Variants in SH2D4B observed in about 807,000 individuals in gnomAD.
SH2D4B encodes the protein SH2 domain containing 4B.
A neutral mutation model predicts 61.5 loss-of-function variants in SH2D4B; 45 were observed. The observed-to-expected ratio is 0.73, with a 90% CI of 0.58 to 0.94. SH2D4B has a LOEUF of 0.94. Among genes scored for constraint, SH2D4B ranks in the 40% least tolerant of loss-of-function variants. The pLI, the probability that SH2D4B is intolerant of heterozygous loss-of-function variation, is 0.00. For missense variants in SH2D4B, 572 were observed against 574.2 expected, an observed-to-expected ratio of 1.00 and a Z score of 0.04; for synonymous variants, 224 against 220.4, an observed-to-expected ratio of 1.02 and a Z score of -0.14.
intron 3 of SH2D4B, among the ~76,000 whole-genome samples, chr10:80,587,341 T>A (rs1195139982): frequency 6.6e-6 from 1 of 151,754 alleles, no homozygotes; most frequent in Non-Finnish European, 1.5e-5. Context: ...AGTGCAGTGG[T>A]GCGATCTCAG....
At chr10:80,558,427 A>G (rs1418296972) in intron 1 of SH2D4B, among the ~76,000 whole-genome samples, 1 of 152,194 alleles carries the variant, frequency 6.6e-6, no homozygotes, top group Non-Finnish European at 1.5e-5. Flanking sequence ...AAACTTTTTA[A>G]AAAGCAGCTT....
chr10:80,631,443 C>T (rs1225371845), intron 6 of SH2D4B, among the ~76,000 whole-genome samples: 1 of 152,102 alleles, frequency 6.6e-6, no homozygotes, highest in African/African-American at 2.4e-5. Context: ...GATTCAGGGC[C>T]TTGCTATGTT....
At chr10:80,588,909 T>C in intron 4 of SH2D4B, 132 bp downstream of exon 4, 3 of 1,087,626 alleles carry the variant, frequency 2.8e-6, no homozygotes, top group South Asian at 1.5e-5. Context: ...GACCCGGCCA[T>C]GTGCTCAGTC....
chr10:80,623,686 A>G (rs12772279), intron 6 of SH2D4B, among the ~76,000 whole-genome samples: 36,645 of 151,892 alleles, frequency 0.24, 4,811 homozygotes, highest in African/African-American at 0.32. Flanking sequence ...CCCAGAATCT[A>G]CTCCCCTTAC....
chr10:80,615,808 G>A (rs977273358), intron 6 of SH2D4B, among the ~76,000 whole-genome samples: 4 of 152,182 alleles, frequency 2.6e-5, no homozygotes, highest in South Asian at 2.1e-4. Flanking sequence ...CTAAAAATTC[G>A]TGTTTAGCAA....
chr10:80,552,846 C>G (rs926346554), intron 1 of SH2D4B, among the ~76,000 whole-genome samples: 1 of 152,100 alleles, frequency 6.6e-6, no homozygotes, highest in African/African-American at 2.4e-5. Flanking sequence ...AATTACATAA[C>G]CCTAGGCTTT....
intron 3 of SH2D4B, among the ~76,000 whole-genome samples, chr10:80,587,158 T>TTTTTTTTTTTTTG (rs1842267675): frequency 8.2e-6 from 1 of 122,530 alleles, no homozygotes. Flanking sequence ...TTTGTTTTTT[T>TTTTTTTTTTTTTG]TTTTTTTTTT....
At chr10:80,640,727 G>A (rs370545588) in intron 7 of SH2D4B, among the ~76,000 whole-genome samples, 18 of 152,232 alleles carry the variant, frequency 1.2e-4, no homozygotes, top group East Asian at 1.2e-3. Context: ...CTTGCGATGG[G>A]TTCAAACATC....
At position 80,580,078 on chromosome 10, in the gene SH2D4B, C is replaced by T. The variant is rs142929515; in HGVS notation, c.495+8500C>T. ...TTGGTTCTGCTTTTTTGGAGTGCTT[C>T]AGCTCACTGTGGTGTTATTGGGGCC... On this transcript the variant is annotated intron_variant, in intron 3 of 7. Coordinates refer to ENST00000646907, the MANE Select transcript of SH2D4B (RefSeq NM_001388272.1). Among the ~76,000 whole-genome samples, 9 of 152,292 alleles carry T rather than the reference C, an allele frequency of 5.9e-5. No homozygotes were observed. The East Asian group carries it at 1.7e-3, about 29-fold the overall frequency.
chr10:80,558,468 G>C, intron 1 of SH2D4B, among the ~76,000 whole-genome samples: 1 of 151,926 alleles, frequency 6.6e-6, no homozygotes, highest in Non-Finnish European at 1.5e-5. Context: ...GCCATATAAT[G>C]ATCATGCATT....
At chr10:80,630,566 G>T (rs576627362) in intron 6 of SH2D4B, among the ~76,000 whole-genome samples, 1 of 152,218 alleles carries the variant, frequency 6.6e-6, no homozygotes, top group African/African-American at 2.4e-5. Flanking sequence ...GGGGATAGTT[G>T]GGGAGAACAG....
intron 1 of SH2D4B, among the ~76,000 whole-genome samples, chr10:80,549,268 C>T (rs1403904755): frequency 1.3e-5 from 2 of 149,940 alleles, no homozygotes; most frequent in Non-Finnish European, 3.0e-5. Flanking sequence ...GTTCTGCTGG[C>T]GTTTGGGGCA....
At chr10:80,553,341 G>C (rs922243335) in intron 1 of SH2D4B, among the ~76,000 whole-genome samples, 3 of 152,180 alleles carry the variant, frequency 2.0e-5, no homozygotes, top group Non-Finnish European at 4.4e-5. Context: ...CTTGTCCCCA[G>C]GACATGTGCA....
chr10:80,571,659 A>C, intron 3 of SH2D4B, 81 bp downstream of exon 3: 1 of 1,544,354 alleles, frequency 6.5e-7, no homozygotes, highest in Non-Finnish European at 8.8e-7. Flanking sequence ...GGTTTGGATC[A>C]ATCCTTGGCC....
intron 1 of SH2D4B, among the ~76,000 whole-genome samples, chr10:80,543,439 T>C: frequency 6.6e-6 from 1 of 152,160 alleles, no homozygotes; most frequent in East Asian, 1.9e-4. Flanking sequence ...GGGCCTTAGC[T>C]GCCTTCCCGC....
In SH2D4B at chr10:80,571,429, A is replaced by G. The variant is rs754729385; in HGVS notation, c.348-2A>G. On this transcript the variant is annotated splice_acceptor_variant, in intron 2 of 7. Transcript: ENST00000646907. LOFTEE classifies it high-confidence loss of function. ...CTTATACCTGTGGTGCTCTCTTGGT[A>G]GGAGACAGAAGGAGGCAGAGATCAC... The G allele has an allele frequency of 5.0e-6, 8 of 1,613,846 alleles. No homozygotes were observed. The highest frequency in any genetic ancestry group is 1.1e-5 in the South Asian group (1 of 91,074).
intron 4 of SH2D4B, among the ~76,000 whole-genome samples, chr10:80,593,990 A>AT (rs1250041035): frequency 6.6e-5 from 10 of 151,696 alleles, no homozygotes; most frequent in Admixed American, 2.6e-4. Flanking sequence ...ATATATATAT[A>AT]TTTTTAGCGA....
intron 4 of SH2D4B, among the ~76,000 whole-genome samples, chr10:80,591,505 C>CTTTTTTTT (rs763446349): frequency 1.8e-5 from 2 of 108,932 alleles, no homozygotes; most frequent in Admixed American, 1.1e-4. Flanking sequence ...GCCAAACTGG[C>CTTTTTTTT]TTTTTTTTTT....
chr10:80,549,215 G>A (rs1367419979), intron 1 of SH2D4B, among the ~76,000 whole-genome samples: 1 of 150,996 alleles, frequency 6.6e-6, no homozygotes, highest in African/African-American at 2.4e-5. Context: ...GTGTGTGTGT[G>A]TGTGTGTGTG....
Sources: allele counts gnomAD v4.1 joint callset (sites outside exome capture counted in the v4.1 genomes callset), GRCh38; gene constraint gnomAD v4.1.1; transcripts MANE v1.5; gene names NCBI Gene and HGNC (gene_info 2026-07-23, HGNC 2026-07-21).